The following SMAD2 variants were observed in gnomAD, a reference collection of about 807,000 sequenced individuals.
The protein encoded by SMAD2 is MAD homolog 2.
Under a neutral mutation model 64.4 loss-of-function variants are expected in SMAD2, and 8 were observed. That is an observed-to-expected ratio of 0.12 (90% CI 0.07 to 0.22). SMAD2 has a LOEUF of 0.22. Among genes scored for constraint, SMAD2 ranks in the 10% least tolerant of loss-of-function variants. The pLI is 1.00. For missense variants in SMAD2, 289 were observed against 561.2 expected (o/e 0.51, Z 4.90); for synonymous variants, 203 against 195.8 (o/e 1.04, Z -0.31).
rs1289375526 is a variant in SMAD2 at position 47,813,673 on chromosome 18, TG to T, written c.*28153del. 3 of 148,370 alleles carry T rather than the reference TG, an allele frequency of 2.0e-5. No individual in the cohort carries two copies. The highest frequency in any genetic ancestry group is 4.4e-5 in the Non-Finnish European group (3 of 67,774). 9.2% of individuals were successfully genotyped at this position (148,370 alleles called of 1,614,324 possible). A position where few individuals can be genotyped will look rare whatever the true frequency, so the allele number is the denominator to read the frequency against. ...CACCTGCCTCGGCCTCCCAAAGTGCTGGGATTACAGGCATGAGCCACTGTAC... is the reference window on the plus strand; with the variant it reads ...CACCTGCCTCGGCCTCCCAAAGTGCTGGATTACAGGCATGAGCCACTGTAC... On this transcript the variant is annotated 3_prime_UTR_variant, in exon 11 of 11. Transcript: ENST00000262160.
chr18:47,888,463 G>C (rs1485871250), intron 2 of SMAD2, among the ~76,000 whole-genome samples: 3 of 152,214 alleles, frequency 2.0e-5, no homozygotes, highest in Non-Finnish European at 4.4e-5. Flanking sequence ...TGAGGCTAAA[G>C]AGCTCATACT....
intron 1 of SMAD2, among the ~76,000 whole-genome samples, chr18:47,906,513 T>C (rs2033909961): frequency 6.6e-6 from 1 of 152,160 alleles, no homozygotes; most frequent in Non-Finnish European, 1.5e-5. Flanking sequence ...AAAACCATAA[T>C]GCAATACCAT....
rs71162900 is a variant in SMAD2, at chr18:47,882,041, C to CTTTTTTTTTTT, written c.237-11488_237-11478dup. Among the ~76,000 whole-genome samples the CTTTTTTTTTTT allele has an allele frequency of 8.5e-3, 329 of 38,862 alleles. 66 individuals are homozygous for CTTTTTTTTTTT. Among genetic ancestry groups the CTTTTTTTTTTT allele is most frequent in the Middle Eastern group, 0.025 (1 of 40 alleles). The allele number at this position is 38,862 out of a possible 152,430, so 25.5% of individuals were successfully genotyped here. On this transcript the variant is annotated intron_variant, in intron 2 of 10. Transcript: ENST00000262160. The stretch of plus-strand genomic sequence containing the variant: ...CACAGGAATGTACTACCACGCTTGG[C>CTTTTTTTTTTT]TTTTTTTTTTTTTTTTTTTTTTTTT...
rs1372792795 is a variant in SMAD2 at position 47,828,391 on chromosome 18, T to G, written c.*13436A>C. On this transcript the variant is annotated 3_prime_UTR_variant, in exon 11 of 11. Transcript: ENST00000262160. ...CTGCCCAGCCGCCCCGTCTGGGAAGTGAGGAGCCCCTCTGCCCGGCCGCCA... is the reference window on the plus strand; with the variant it reads ...CTGCCCAGCCGCCCCGTCTGGGAAGGGAGGAGCCCCTCTGCCCGGCCGCCA... 1 of 160,354 alleles carries G rather than the reference T, an allele frequency of 6.2e-6. No homozygotes were observed. The highest frequency in any genetic ancestry group is 1.3e-5 in the Non-Finnish European group (1 of 75,090). 9.9% of individuals were successfully genotyped at this position (160,354 alleles called of 1,614,324 possible).
At chr18:47,850,623 T>C (rs1352623627) in intron 7 of SMAD2, among the ~76,000 whole-genome samples, 2 of 24,748 alleles carry the variant, frequency 8.1e-5, no homozygotes, top group Non-Finnish European at 1.3e-4. Flanking sequence ...TATTATATAT[T>C]ATATATATAT....
At chr18:47,877,747 T>C (rs563181318) in intron 2 of SMAD2, among the ~76,000 whole-genome samples, 1 of 151,626 alleles carries the variant, frequency 6.6e-6, no homozygotes, top group South Asian at 2.1e-4. Context: ...AATAAGTAGG[T>C]GCAAATGATT....
chr18:47,834,427 G>C lies in SMAD2; in HGVS notation c.*7400C>G, dbSNP rs1457078328. On this transcript the variant is annotated 3_prime_UTR_variant, in exon 11 of 11. Transcript: ENST00000262160. ...CTCTGCTAAAAGTTTTGTATCCAGGGAAAGTCCCGCATCCAGGGAAACCCT... is the reference window on the plus strand; with the variant it reads ...CTCTGCTAAAAGTTTTGTATCCAGGCAAAGTCCCGCATCCAGGGAAACCCT... The C allele has an allele frequency of 4.8e-6, 1 of 206,646 alleles. No homozygotes were observed. The highest frequency in any genetic ancestry group is 9.9e-6 in the Non-Finnish European group (1 of 101,290). 12.8% of individuals were successfully genotyped at this position (206,646 alleles called of 1,614,324 possible). A position where few individuals can be genotyped will look rare whatever the true frequency, so the allele number is the denominator to read the frequency against.
At chr18:47,874,546 A>G (rs978761943) in intron 2 of SMAD2, among the ~76,000 whole-genome samples, 1 of 152,202 alleles carries the variant, frequency 6.6e-6, no homozygotes, top group Non-Finnish European at 1.5e-5. Context: ...ACCTGAAAAA[A>G]GGAAAAACAC....
Position 47,827,769 on chromosome 18 carries a change from C to T in SMAD2, c.*14058G>A, listed in dbSNP as rs11872400. 5,236 of 181,206 alleles carry T rather than the reference C, an allele frequency of 0.029. 296 individuals carry two copies. The highest frequency in any genetic ancestry group is 0.12 in the African/African-American group (4,984 of 41,886). The allele number at this position is 181,206 out of a possible 1,614,324, so 11.2% of individuals were successfully genotyped here. On this transcript the variant is annotated 3_prime_UTR_variant, in exon 11 of 11. Coordinates refer to ENST00000262160, the MANE Select transcript of SMAD2 (RefSeq NM_005901.6). ...GGTGCTGGGATTGCAGATGGAGTCT[C>T]GCTCACTCAGTGCTCAATGTTGCCC...
At chr18:47,871,214 C>A (rs1320644902) in intron 2 of SMAD2, among the ~76,000 whole-genome samples, 1 of 152,094 alleles carries the variant, frequency 6.6e-6, no homozygotes, top group South Asian at 2.1e-4. Context: ...TTCATAGTAA[C>A]TTCTGGTCAG....
intron 1 of SMAD2, among the ~76,000 whole-genome samples, chr18:47,914,703 T>G (rs2034269484): frequency 6.6e-6 from 1 of 152,182 alleles, no homozygotes; most frequent in African/African-American, 2.4e-5. Context: ...ATTCTGTTAT[T>G]TGTTCACACT....
chr18:47,880,488 G>A (rs1340903658), intron 2 of SMAD2, among the ~76,000 whole-genome samples: 2 of 152,150 alleles, frequency 1.3e-5, no homozygotes, highest in African/African-American at 2.4e-5. Context: ...TTTTATGTCA[G>A]TATCACACTA....
intron 7 of SMAD2, among the ~76,000 whole-genome samples, chr18:47,849,346 A>C (rs144729901): frequency 6.6e-6 from 1 of 152,110 alleles, no homozygotes; most frequent in Non-Finnish European, 1.5e-5. Context: ...CAGTTTGACT[A>C]AAACATATCA....
intron 1 of SMAD2, among the ~76,000 whole-genome samples, chr18:47,928,968 T>TACG (rs1282857410): frequency 6.6e-6 from 1 of 152,254 alleles, no homozygotes; most frequent in East Asian, 1.9e-4. Context: ...CAGCTAAGTT[T>TACG]ACGGCAACGG....
rs1912434268 is a variant in SMAD2, at chr18:47,818,120, G to T, written c.*23707C>A. 6.6e-6 allele frequency: 1 copy of T among 152,102 alleles called. No individual in the cohort carries two copies. Among genetic ancestry groups the T allele is most frequent in the South Asian group, 2.1e-4 (1 of 4,816 alleles). 9.4% of individuals were successfully genotyped at this position (152,102 alleles called of 1,614,324 possible). A position where few individuals can be genotyped will look rare whatever the true frequency, so the allele number is the denominator to read the frequency against. On this transcript the variant is annotated 3_prime_UTR_variant, in exon 11 of 11. Coordinates refer to ENST00000262160, the MANE Select transcript of SMAD2 (RefSeq NM_005901.6). ...ACCAAGAGACTGCAGCTATAGAGTT[G>T]ATATGTAGAGTCTTCTAAGCTCTCT...
At chr18:47,846,398 G>C (rs955697893) in intron 8 of SMAD2, among the ~76,000 whole-genome samples, 2 of 152,070 alleles carry the variant, frequency 1.3e-5, no homozygotes, top group African/African-American at 2.4e-5. Context: ...ATTGTGAGAA[G>C]CAGAGTTCTA....
Position 47,818,422 on chromosome 18 carries a change from T to C in SMAD2, c.*23405A>G, listed in dbSNP as rs947189320. On this transcript the variant is annotated 3_prime_UTR_variant, in exon 11 of 11. Coordinates refer to ENST00000262160, the MANE Select transcript of SMAD2 (RefSeq NM_005901.6). ...CCTAAAAGAACTAGATAAATACGTA[T>C]AAAAATTAGGCTCTCAAACAGGTCA... The C allele has an allele frequency of 5.9e-5, 9 of 152,266 alleles. 1 individual carries two copies. The highest frequency in any genetic ancestry group is 3.9e-4 in the Admixed American group (6 of 15,296). 9.4% of individuals were successfully genotyped at this position (152,266 alleles called of 1,614,324 possible).
chr18:47,876,044 C>T (rs958870908), intron 2 of SMAD2, among the ~76,000 whole-genome samples: 12 of 151,982 alleles, frequency 7.9e-5, no homozygotes, highest in African/African-American at 2.9e-4. Context: ...GAAACCTGTA[C>T]AACATCAAGC....
chr18:47,810,989 G>A lies in SMAD2; in HGVS notation c.*30838C>T, dbSNP rs997939947. 1.2e-4 allele frequency: 18 copies of A among 152,342 alleles called. No individual in the cohort carries two copies. Among genetic ancestry groups the A allele is most frequent in the African/African-American group, 4.3e-4 (18 of 41,564 alleles). 9.4% of individuals were successfully genotyped at this position (152,342 alleles called of 1,614,324 possible). ...TAGCCTCGAAGTTTTCTGTTGGCAT[G>A]AGCACTACGATCCCCCAAGGAGTGG... On this transcript the variant is annotated 3_prime_UTR_variant, in exon 11 of 11. Transcript: ENST00000262160.
Sources: gnomAD v4.1 joint callset for allele counts (sites outside exome capture counted in the v4.1 genomes callset) on GRCh38, gnomAD v4.1.1 for gene constraint, MANE v1.5 for transcripts, NCBI Gene and HGNC (gene_info 2026-07-23, HGNC 2026-07-21) for gene names.